Variants in UQCRFS1 observed in about 807,000 individuals in gnomAD.
The protein encoded by UQCRFS1 is ubiquinol-cytochrome c reductase, Rieske iron-sulfur polypeptide 1.
In UQCRFS1, 6 loss-of-function variants were observed where a neutral mutation model predicts 15.6. That is an observed-to-expected ratio of 0.38 (90% CI 0.21 to 0.76). UQCRFS1 has a LOEUF of 0.76. Among genes scored for constraint, UQCRFS1 ranks in the 30% least tolerant of loss-of-function variants. The pLI is 0.44. For missense variants in UQCRFS1, 203 were observed against 366.7 expected (o/e 0.55, Z 3.65); for synonymous variants, 105 against 154.3 (o/e 0.68, Z 2.37).
chr19:29,207,575 G>A lies in UQCRFS1; in HGVS notation c.798C>T (p.Thr266=), dbSNP rs780520131. ...AACCAACAATCACCATATCGTCACTGGTGAACTCATACGTGGGGACTTCAA... is the reference window on the plus strand; with the variant it reads ...AACCAACAATCACCATATCGTCACTAGTGAACTCATACGTGGGGACTTCAA... The part of the protein sequence containing the change: ...LNLEVPTYEF[T]SDDMVIVG The change falls in exon 2 of 2, where the codon ACC becomes ACT. Residue 266 remains threonine (T), a synonymous_variant. Transcript: ENST00000304863. 6 of 1,612,814 alleles carry A rather than the reference G, an allele frequency of 3.7e-6. No homozygotes were observed. Among genetic ancestry groups the A allele is most frequent in the Non-Finnish European group, 3.4e-6 (4 of 1,179,132 alleles).
At chr19:29,212,314 C>T (rs1197635673) in intron 1 of UQCRFS1, among the ~76,000 whole-genome samples, 3 of 151,968 alleles carry the variant, frequency 2.0e-5, no homozygotes, top group Non-Finnish European at 4.4e-5. Flanking sequence ...TGTCGTCAAT[C>T]TCTGCCCGTC....
At chr19:29,209,740 G>C (rs1976625421) in intron 1 of UQCRFS1, among the ~76,000 whole-genome samples, 1 of 152,080 alleles carries the variant, frequency 6.6e-6, no homozygotes, top group Admixed American at 6.6e-5. Flanking sequence ...TTACAGAAAA[G>C]ATGAGCTTCC....
chr19:29,211,570 C>A (rs1976649263), intron 1 of UQCRFS1, among the ~76,000 whole-genome samples: 1 of 152,350 alleles, frequency 6.6e-6, no homozygotes, highest in Non-Finnish European at 1.5e-5. Context: ...ATATTACCTT[C>A]TCTATGCCCT....
intron 1 of UQCRFS1, among the ~76,000 whole-genome samples, chr19:29,208,968 G>GTAT (rs147244964): frequency 0.14 from 20,660 of 152,038 alleles, 1,673 homozygotes; most frequent in East Asian, 0.26. Context: ...AAAAGTAGGG[G>GTAT]TATTATCTTC....
At position 29,205,908 on chromosome 19, in the gene UQCRFS1, A is replaced by T. The variant is rs1034409989; in HGVS notation, c.*1640T>A. ...AAGTAAGCAGCCACCAAATATAGCA[A>T]TTCCGGCACTAAGTGAGTACCTAGA... On this transcript the variant is annotated 3_prime_UTR_variant, in exon 2 of 2. Coordinates refer to ENST00000304863, the MANE Select transcript of UQCRFS1 (RefSeq NM_006003.3). 11 of 152,212 alleles carry T rather than the reference A, an allele frequency of 7.2e-5. No homozygotes were observed. The highest frequency in any genetic ancestry group is 1.5e-4 in the Non-Finnish European group (10 of 68,040). The allele number at this position is 152,212 out of a possible 1,614,324, so 9.4% of individuals were successfully genotyped here. A position where few individuals can be genotyped will look rare whatever the true frequency, so the allele number is the denominator to read the frequency against.
intron 1 of UQCRFS1, among the ~76,000 whole-genome samples, chr19:29,209,303 G>T (rs377599886): frequency 6.6e-6 from 1 of 152,144 alleles, no homozygotes; most frequent in Non-Finnish European, 1.5e-5. Context: ...TCCTCTTTTA[G>T]AAAATGTGTA....
At chr19:29,208,823 G>A (rs1016661468) in intron 1 of UQCRFS1, among the ~76,000 whole-genome samples, 1 of 152,090 alleles carries the variant, frequency 6.6e-6, no homozygotes, top group Non-Finnish European at 1.5e-5. Context: ...CTAATAGGCA[G>A]AGAAGGACAT....
chr19:29,211,998 T>C (rs1976657719), intron 1 of UQCRFS1, among the ~76,000 whole-genome samples: 1 of 152,334 alleles, frequency 6.6e-6, no homozygotes, highest in Non-Finnish European at 1.5e-5. Context: ...ATCCCAGTAT[T>C]ACCGGCTTCC....
intron 1 of UQCRFS1, among the ~76,000 whole-genome samples, chr19:29,210,483 G>A (rs1976634328): frequency 1.3e-5 from 2 of 151,138 alleles, no homozygotes; most frequent in African/African-American, 2.4e-5. Flanking sequence ...TTAGCATTAG[G>A]TATATCTCCC....
In UQCRFS1 at chr19:29,206,655, C is replaced by T. The variant is rs1976596864; in HGVS notation, c.*893G>A. The T allele has an allele frequency of 6.6e-6, 1 of 152,166 alleles. No individual in the cohort carries two copies. The highest frequency in any genetic ancestry group is 2.1e-4 in the South Asian group (1 of 4,828). The allele number at this position is 152,166 out of a possible 1,614,324, so 9.4% of individuals were successfully genotyped here. Reference sequence around the variant, plus strand: ...GAAAAGTGCTGAGTGACTGTAAACCCAACAGGAAAAAACATTCAAAGTGTC... The same window carrying T: ...GAAAAGTGCTGAGTGACTGTAAACCTAACAGGAAAAAACATTCAAAGTGTC... On this transcript the variant is annotated 3_prime_UTR_variant, in exon 2 of 2. Transcript: ENST00000304863.
chr19:29,209,871 T>C (rs1481075807), intron 1 of UQCRFS1, among the ~76,000 whole-genome samples: 1 of 152,180 alleles, frequency 6.6e-6, no homozygotes, highest in African/African-American at 2.4e-5. Flanking sequence ...GCCCTTCTCA[T>C]TCAGAGATTT....
intron 1 of UQCRFS1, among the ~76,000 whole-genome samples, chr19:29,211,893 G>A (rs1286837769): frequency 6.6e-6 from 1 of 152,186 alleles, no homozygotes; most frequent in Non-Finnish European, 1.5e-5. Context: ...CGCAGACCTG[G>A]TAAAGACTGT....
chr19:29,212,796 G>A, intron 1 of UQCRFS1, 109 bp downstream of exon 1: 2 of 1,199,930 alleles, frequency 1.7e-6, no homozygotes, highest in Non-Finnish European at 2.1e-6. Flanking sequence ...CGCCCAGCCC[G>A]ACCTGATTCA....
intron 1 of UQCRFS1, among the ~76,000 whole-genome samples, chr19:29,211,165 A>G (rs1299888688): frequency 8.2e-6 from 1 of 121,602 alleles, no homozygotes; most frequent in African/African-American, 3.2e-5. Context: ...TCTACAATGA[A>G]CTCAAACAAA....
intron 1 of UQCRFS1, among the ~76,000 whole-genome samples, chr19:29,211,063 G>A (rs1254806817): frequency 6.6e-6 from 1 of 152,100 alleles, no homozygotes; most frequent in East Asian, 1.9e-4. Context: ...TAACTGGTGT[G>A]AGATGGTATC....
At position 29,208,008 on chromosome 19, in the gene UQCRFS1, G is replaced by A; in HGVS notation, c.365C>T (p.Thr122Ile). Residue 122 changes from threonine to isoleucine, a missense_variant, in exon 2 of 2, where the codon ACT (threonine) becomes ATT (isoleucine). By Grantham distance (89) the Thr-to-Ile change is moderately conservative (BLOSUM62 -1). Transcript: ENST00000304863. ...GFSYLVTGVT[T>I]VGVAYAAKNA... Reference sequence around the variant, plus strand: ...CTTGGCAGCATATGCGACACCCACAGTAGTTACTCCAGTTACCAAATAGGA... The same window carrying A: ...CTTGGCAGCATATGCGACACCCACAATAGTTACTCCAGTTACCAAATAGGA... The A allele has an allele frequency of 6.2e-7, 1 of 1,614,022 alleles. No individual in the cohort carries two copies.
At position 29,207,761 on chromosome 19, in the gene UQCRFS1, T is replaced by A. The variant is rs767666510; in HGVS notation, c.612A>T (p.Arg204=). The part of the protein sequence containing the change: ...QLRDPQHDLD[R]VKKPEWVILI... The stretch of plus-strand genomic sequence containing the variant: ...GGATAACCCATTCAGGTTTCTTTAC[T>A]CGATCTAGATCATGCTGTGGGTCCC... The change falls in exon 2 of 2, where the codon CGA becomes CGT. Residue 204 remains arginine (R), a synonymous_variant. Coordinates refer to ENST00000304863, the MANE Select transcript of UQCRFS1 (RefSeq NM_006003.3). 1 of 1,613,996 alleles carries A rather than the reference T, an allele frequency of 6.2e-7. No homozygotes were observed. Among genetic ancestry groups the A allele is most frequent in the Non-Finnish European group, 8.5e-7 (1 of 1,179,876 alleles).
At chr19:29,208,231 C>A (rs1976612584) in intron 1 of UQCRFS1, 73 bp from the exon 2 acceptor site, 3 of 1,501,398 alleles carry the variant, frequency 2.0e-6, no homozygotes, top group Non-Finnish European at 2.6e-6. Context: ...CAGGAAATAG[C>A]CCTTTATGGA....
In UQCRFS1 at chr19:29,206,920, AAT is replaced by A. The variant is rs1404127057; in HGVS notation, c.*626_*627del. 1 of 152,396 alleles carries A rather than the reference AAT, an allele frequency of 6.6e-6. No homozygotes were observed. The highest frequency in any genetic ancestry group is 1.5e-5 in the Non-Finnish European group (1 of 68,194). 9.4% of individuals were successfully genotyped at this position (152,396 alleles called of 1,614,324 possible). On this transcript the variant is annotated 3_prime_UTR_variant, in exon 2 of 2. Transcript: ENST00000304863. ...TACTAATTTACACTCATAAGGGACT[AAT>A]AAAATTTCCTGGCCTGTCACTTAAG... is the stretch of plus-strand genomic sequence containing the variant.
Sources: gnomAD v4.1 joint callset for allele counts (sites outside exome capture counted in the v4.1 genomes callset) on GRCh38, gnomAD v4.1.1 for gene constraint, MANE v1.5 for transcripts, NCBI Gene and HGNC (gene_info 2026-07-23, HGNC 2026-07-21) for gene names.